The following ZNF783 variants were observed in gnomAD, a reference collection of about 807,000 sequenced individuals.
ZNF783 encodes the protein zinc finger protein 783, also known as protein ZNF783.
ZNF783 carries 25 observed loss-of-function variants against 31.3 expected under a neutral mutation model. The ratio of observed to expected loss-of-function variants is 0.80; its 90% CI spans 0.58 to 1.11. The LOEUF (loss-of-function observed/expected upper bound fraction) is 1.11, where lower values mean the gene tolerates loss of function less well. Among genes scored for constraint, ZNF783 ranks in the 50% most tolerant of loss-of-function variants. ZNF783 has a pLI of 0.00. For synonymous variants in ZNF783, 369 were observed against 319.1 expected (o/e 1.16, Z -1.66); for missense variants, 797 against 760.0 (o/e 1.05, Z -0.57).
At chr7:149,263,031 G>C (rs1796972342) in intron 1 of ZNF783, among the ~76,000 whole-genome samples, 1 of 151,876 alleles carries the variant, frequency 6.6e-6, no homozygotes, top group African/African-American at 2.4e-5. Flanking sequence ...CGGCTTCAAG[G>C]GATTCTCCTG....
At chr7:149,262,920 G>A (rs1796968844) in intron 1 of ZNF783, among the ~76,000 whole-genome samples, 1 of 152,140 alleles carries the variant, frequency 6.6e-6, no homozygotes, top group Non-Finnish European at 1.5e-5. Context: ...TACTGTAGCA[G>A]ATTTTATTTA....
Position 149,282,176 on chromosome 7 carries a change from C to T in ZNF783, c.1474C>T (p.Arg492Trp), listed in dbSNP as rs763941867. 7.5e-6 allele frequency: 12 copies of T among 1,600,860 alleles called. No homozygotes were observed. The highest frequency in any genetic ancestry group is 1.1e-5 in the South Asian group (1 of 91,072). ...GCACCAGCGCATCCACACCGGTGAG[C>T]GGCCCTACCAGTGCCCCCAGTGTGG... The part of the protein sequence containing the change: ...FRHQRIHTGE[R>W]PYQCPQCGRT... The change falls in exon 6 of 6, where the codon CGG becomes TGG. Residue 492 changes from arginine (R) to tryptophan (W), a missense_variant. Transcript: ENST00000434415.
In ZNF783 at chr7:149,282,128, C is replaced by G. The variant is rs772482835; in HGVS notation, c.1426C>G (p.Arg476Gly). 1.9e-6 allele frequency: 3 copies of G among 1,599,244 alleles called. No homozygotes were observed. Among genetic ancestry groups the G allele is most frequent in the Non-Finnish European group, 2.5e-6 (3 of 1,179,282 alleles). The change falls in exon 6 of 6, where the codon CGC becomes GGC. Residue 476 changes from arginine (R) to glycine (G), a missense_variant. Arg to Gly is a moderately radical substitution (Grantham distance 125). Coordinates refer to ENST00000434415, the MANE Select transcript of ZNF783 (RefSeq NM_001195220.2). ...PACPYCGKAF[R>G]RPSDLFRHQR... ...CTGCCCCTACTGCGGCAAGGCCTTC[C>G]GCCGGCCCTCGGACCTCTTCCGGCA...
chr7:149,269,375 C>T (rs1212894515), intron 4 of ZNF783, among the ~76,000 whole-genome samples: 5 of 152,190 alleles, frequency 3.3e-5, no homozygotes, highest in Non-Finnish European at 7.4e-5. Flanking sequence ...AGGTTGTCAG[C>T]TTACTCTGTT....
At position 149,262,332 on chromosome 7, in the gene ZNF783, C is replaced by T. The variant is rs987145056; in HGVS notation, c.-2C>T. ...GCAACCCAGCGAGGGACGCGGGCAGCCATGGCCGAAGCGGCGCCTGCCCGG... is the reference window on the plus strand; with the variant it reads ...GCAACCCAGCGAGGGACGCGGGCAGTCATGGCCGAAGCGGCGCCTGCCCGG... On this transcript the variant is annotated 5_prime_UTR_variant, in exon 1 of 6. Coordinates refer to ENST00000434415, the MANE Select transcript of ZNF783 (RefSeq NM_001195220.2). 20 of 1,345,016 alleles carry T rather than the reference C, an allele frequency of 1.5e-5. No individual in the cohort carries two copies. Among genetic ancestry groups the T allele is most frequent in the African/African-American group, 6.1e-5 (4 of 65,472 alleles). 83.3% of individuals were successfully genotyped at this position (1,345,016 alleles called of 1,614,324 possible).
intron 4 of ZNF783, among the ~76,000 whole-genome samples, chr7:149,274,610 C>T (rs1320917995): frequency 6.6e-6 from 1 of 152,258 alleles, no homozygotes; most frequent in Non-Finnish European, 1.5e-5. Flanking sequence ...AGGTGATCCA[C>T]CCACCTTGGC....
rs1196939773 is a variant in ZNF783 at position 149,282,373 on chromosome 7, C to T, written c.*30C>T. 7 of 1,440,076 alleles carry T rather than the reference C, an allele frequency of 4.9e-6. No homozygotes were observed. Among genetic ancestry groups the T allele is most frequent in the South Asian group, 2.9e-5 (2 of 69,922 alleles). 89.2% of individuals were successfully genotyped at this position (1,440,076 alleles called of 1,614,324 possible). ...GCAGGAGCCCACAGAGGACCCCTGG[C>T]GGGGTCTCTCCCCTGTGCCTGACGC... On this transcript the variant is annotated 3_prime_UTR_variant, in exon 6 of 6. Transcript: ENST00000434415.
chr7:149,262,394 C>G, intron 1 of ZNF783, 37 bp downstream of exon 1: 1 of 1,220,586 alleles, frequency 8.2e-7, no homozygotes, highest in Non-Finnish European at 1.0e-6. Flanking sequence ...CCGGAAGGCC[C>G]AGGCCGCCGC....
chr7:149,280,354 G>A (rs901234700), intron 5 of ZNF783, among the ~76,000 whole-genome samples: 1 of 151,682 alleles, frequency 6.6e-6, no homozygotes, highest in Non-Finnish European at 1.5e-5. Context: ...GCCTGGGGAA[G>A]AAGGGCGGAG....
intron 4 of ZNF783, among the ~76,000 whole-genome samples, chr7:149,275,323 T>G (rs1797302359): frequency 6.7e-6 from 1 of 149,720 alleles, no homozygotes; most frequent in Non-Finnish European, 1.5e-5. Flanking sequence ...CTTTCTTTTT[T>G]TTTTTTTTAG....
rs190660461 is a variant in ZNF783, at chr7:149,284,356, G to A, written c.*2013G>A. ...GTAGCATTGCTGTCATCTCTGGGAGGAGAGTGAGTATACAAGTCAGTGACA... is the reference window on the plus strand; with the variant it reads ...GTAGCATTGCTGTCATCTCTGGGAGAAGAGTGAGTATACAAGTCAGTGACA... On this transcript the variant is annotated 3_prime_UTR_variant, in exon 6 of 6. Coordinates refer to ENST00000434415, the MANE Select transcript of ZNF783 (RefSeq NM_001195220.2). 1.6e-3 allele frequency: 237 copies of A among 152,402 alleles called. 2 individuals are homozygous for A. Among genetic ancestry groups the A allele is most frequent in the African/African-American group, 5.4e-3 (223 of 41,576 alleles). The allele number at this position is 152,402 out of a possible 1,614,324, so 9.4% of individuals were successfully genotyped here. A position where few individuals can be genotyped will look rare whatever the true frequency, so the allele number is the denominator to read the frequency against.
At position 149,266,961 on chromosome 7, in the gene ZNF783, G is replaced by T; in HGVS notation, c.547+16G>T. The T allele has an allele frequency of 6.2e-7, 1 of 1,614,078 alleles. No homozygotes were observed. Among genetic ancestry groups the T allele is most frequent in the Non-Finnish European group, 8.5e-7 (1 of 1,180,020 alleles). On this transcript the variant is annotated intron_variant, in intron 3 of 5. Coordinates refer to ENST00000434415, the MANE Select transcript of ZNF783 (RefSeq NM_001195220.2). The stretch of plus-strand genomic sequence containing the variant: ...GTCTCCCTGGGTAAGGCCACGGAGG[G>T]AGGATCTGGGCCTCTGTCCACAGGT...
Position 149,278,414 on chromosome 7 carries a change from C to T in ZNF783, c.689C>T (p.Pro230Leu). 6.3e-7 allele frequency: 1 copy of T among 1,599,356 alleles called. No individual in the cohort carries two copies. The highest frequency in any genetic ancestry group is 8.5e-7 in the Non-Finnish European group (1 of 1,179,776). The change falls in exon 5 of 6, where the codon CCA becomes CTA. Residue 230 changes from proline to leucine, a missense_variant. Pro to Leu is a moderately conservative substitution (Grantham distance 98). Transcript: ENST00000434415. ...RMMGTGLPPYPEHLTSPLSPA... is the reference protein window; with the variant it reads ...RMMGTGLPPYLEHLTSPLSPA... ...CATTCTCCAGGCCTCCCTCCGTATC[C>T]AGAGCACCTCACCAGCCCACTTAGC...
chr7:149,267,069 T>C (rs749009120), intron 3 of ZNF783, 28 bp from the exon 4 acceptor site: 34 of 1,604,534 alleles, frequency 2.1e-5, no homozygotes, highest in Non-Finnish European at 6.8e-6. Context: ...GGGGTCCAGC[T>C]CTTCCTCATT....
intron 5 of ZNF783, among the ~76,000 whole-genome samples, chr7:149,279,702 G>A (rs542486192): frequency 1.3e-3 from 188 of 150,268 alleles, no homozygotes; most frequent in African/African-American, 4.5e-3. Flanking sequence ...TCGCAGAGGG[G>A]GATTTGGCAG....
At chr7:149,267,286 T>C in intron 4 of ZNF783, 64 bp downstream of exon 4, 1 of 1,518,392 alleles carries the variant, frequency 6.6e-7, no homozygotes. Context: ...TCGCCTACCC[T>C]CTCGGGCTTC....
intron 1 of ZNF783, among the ~76,000 whole-genome samples, chr7:149,263,178 C>T (rs1043818454): frequency 3.3e-5 from 5 of 151,858 alleles, no homozygotes; most frequent in African/African-American, 1.2e-4. Context: ...CTGCCCGCCC[C>T]GGCCTCCCAA....
intron 1 of ZNF783, among the ~76,000 whole-genome samples, chr7:149,263,237 T>G (rs1258494725): frequency 1.3e-5 from 2 of 151,388 alleles, no homozygotes; most frequent in Non-Finnish European, 2.9e-5. Context: ...ATTTTAAAAT[T>G]TTTTAATTAA....
Position 149,262,196 on chromosome 7 carries a change from G to C in ZNF783, c.-138G>C. 1 of 730,118 alleles carries C rather than the reference G, an allele frequency of 1.4e-6. No homozygotes were observed. Among genetic ancestry groups the C allele is most frequent in the South Asian group, 3.5e-5 (1 of 28,632 alleles). The allele number at this position is 730,118 out of a possible 1,614,324, so 45.2% of individuals were successfully genotyped here. On this transcript the variant is annotated 5_prime_UTR_variant, in exon 1 of 6. Transcript: ENST00000434415. ...AAAGGGCCAGCGGGGCACGTGGCTC[G>C]GGACGCAGTTCGCTGCCGCCCGGCA...
Sources: gnomAD v4.1 joint callset for allele counts (sites outside exome capture counted in the v4.1 genomes callset) on GRCh38, gnomAD v4.1.1 for gene constraint, MANE v1.5 for transcripts, NCBI Gene and HGNC (gene_info 2026-07-23, HGNC 2026-07-21) for gene names.